IL1RAPL1: variants seen among roughly 807,000 people sequenced by gnomAD.
IL1RAPL1 encodes interleukin 1 receptor accessory protein like 1.
In IL1RAPL1, 3 loss-of-function variants were observed where a neutral mutation model predicts 48.4. That is an observed-to-expected ratio of 0.06 (90% confidence interval 0.03 to 0.16). IL1RAPL1 has a LOEUF of 0.16. Ranked by LOEUF, IL1RAPL1 falls within the 10% of genes least tolerant of loss-of-function variation. IL1RAPL1 has a pLI of 1.00. For missense variants in IL1RAPL1, 349 were observed against 530.6 expected (o/e 0.66, Z 3.36); for synonymous variants, 185 against 187.7 (o/e 0.99, Z 0.12).
chrX:28,634,261 T>C (rs1387634252), intron 1 of IL1RAPL1, among the ~76,000 whole-genome samples: 1 of 109,684 alleles, frequency 9.1e-6, no homozygotes, highest in Non-Finnish European at 1.9e-5. Flanking sequence ...CTAGGCCTCT[T>C]AACATGCCGG....
At chrX:29,558,214 T>C (rs753865611) in intron 5 of IL1RAPL1, among the ~76,000 whole-genome samples, 1 of 112,151 alleles carries the variant, frequency 8.9e-6, no homozygotes, top group South Asian at 3.7e-4. Context: ...TTTTCACATT[T>C]GATAATAGCC....
chrX:29,740,009 G>A (rs746017733), intron 6 of IL1RAPL1, among the ~76,000 whole-genome samples: 14 of 107,161 alleles, frequency 1.3e-4, no homozygotes, highest in Admixed American at 1.0e-4. Flanking sequence ...GCAGCAAGCC[G>A]AGATCGCGCC....
chrX:29,802,990 T>C (rs1930028318), intron 6 of IL1RAPL1, among the ~76,000 whole-genome samples: 1 of 78,423 alleles, frequency 1.3e-5, no homozygotes, highest in South Asian at 5.5e-4. Flanking sequence ...CATGTGTACA[T>C]ATATATGTAT....
At chrX:29,227,612 T>C (rs60138694) in intron 2 of IL1RAPL1, among the ~76,000 whole-genome samples, 1,270 of 112,277 alleles carry the variant, frequency 0.011, 18 homozygotes, top group African/African-American at 0.04. Flanking sequence ...CCATTGATTT[T>C]CATTGTAAAC....
At chrX:29,529,947 A>G (rs1160682501) in intron 5 of IL1RAPL1, among the ~76,000 whole-genome samples, 1 of 111,674 alleles carries the variant, frequency 9.0e-6, no homozygotes, top group Non-Finnish European at 1.9e-5. Context: ...CAAAATAAAA[A>G]TCAAATTAAC....
chrX:29,155,007 CT>C (rs1276795423), intron 2 of IL1RAPL1, among the ~76,000 whole-genome samples: 114 of 101,215 alleles, frequency 1.1e-3, no homozygotes, highest in South Asian at 8.8e-3. Flanking sequence ...TTCTTTCTGT[CT>C]TTTTTTTTTT....
At chrX:29,387,709 A>C (rs1933797229) in intron 3 of IL1RAPL1, among the ~76,000 whole-genome samples, 1 of 112,033 alleles carries the variant, frequency 8.9e-6, no homozygotes, top group African/African-American at 3.2e-5. Flanking sequence ...TGTGTTATTT[A>C]TAGCTGGGCG....
intron 5 of IL1RAPL1, among the ~76,000 whole-genome samples, chrX:29,478,611 G>C (rs991165950): frequency 3.6e-5 from 4 of 110,930 alleles, no homozygotes; most frequent in Non-Finnish European, 7.6e-5. Flanking sequence ...TTATTACCGT[G>C]GTCTTGGAGA....
At chrX:29,101,501 A>G (rs989616453) in intron 2 of IL1RAPL1, among the ~76,000 whole-genome samples, 2 of 111,812 alleles carry the variant, frequency 1.8e-5, no homozygotes, top group African/African-American at 6.5e-5. Flanking sequence ...AACTCACTCT[A>G]CGAGGCCAGT....
chrX:28,904,774 T>C (rs1923174017), intron 2 of IL1RAPL1, among the ~76,000 whole-genome samples: 1 of 112,168 alleles, frequency 8.9e-6, no homozygotes, highest in Non-Finnish European at 1.9e-5. Context: ...TCTATTGCAT[T>C]AGATTCAGAA....
Position 29,396,425 on chromosome X carries a change from C to A in IL1RAPL1, c.530C>A (p.Pro177His). ...IEDFLLPTRE[P>H]EILWYKECRT... ...GATTTTCTACTGCCAACCAGAGAAC[C>A]TGAAATCCTTTGGTACAAGGTATGG... Residue 177 changes from proline to histidine, a missense_variant, in exon 4 of 11, where the codon CCT (proline) becomes CAT (histidine). Transcript: ENST00000378993. 8.3e-7 allele frequency: 1 copy of A among 1,210,666 alleles called. No homozygotes were observed. The highest frequency in any genetic ancestry group is 1.1e-6 in the Non-Finnish European group (1 of 894,298).
chrX:29,627,287 T>C (rs1007450276), intron 5 of IL1RAPL1, among the ~76,000 whole-genome samples: 32 of 112,427 alleles, frequency 2.8e-4, no homozygotes, highest in African/African-American at 9.7e-4. Context: ...AAACAAAGCA[T>C]TTCGGCATTG....
Position 28,931,389 on chromosome X carries a change from T to C in IL1RAPL1, c.82+141964T>C, listed in dbSNP as rs188521333. 7.1e-5 allele frequency among the ~76,000 whole-genome samples: 8 copies of C among 112,393 alleles called. No homozygotes were observed. The East Asian group carries it at 2.0e-3, about 28-fold the overall frequency. ...GTACTTCTCTTTACAGACAAAATCA[T>C]TTATTTTCAGTGTATTATGAACATA... On this transcript the variant is annotated intron_variant, in intron 2 of 10. Transcript: ENST00000378993.
chrX:28,955,548 A>G (rs890789276), intron 2 of IL1RAPL1, among the ~76,000 whole-genome samples: 1 of 109,197 alleles, frequency 9.2e-6, no homozygotes, highest in African/African-American at 3.4e-5. Context: ...TCCTTTCCCC[A>G]TTGCTTGTTT....
At chrX:29,425,496 T>C in intron 5 of IL1RAPL1, among the ~76,000 whole-genome samples, 1 of 111,884 alleles carries the variant, frequency 8.9e-6, no homozygotes, top group Middle Eastern at 4.6e-3. Context: ...CTCTGGTTCA[T>C]ATCTCTGTCA....
At chrX:29,554,441 T>C (rs914732751) in intron 5 of IL1RAPL1, among the ~76,000 whole-genome samples, 51 of 111,684 alleles carry the variant, frequency 4.6e-4, no homozygotes, top group African/African-American at 1.6e-3. Flanking sequence ...CTGAATCTGT[T>C]CTCAGTCAGA....
At chrX:29,507,877 G>A (rs1359754513) in intron 5 of IL1RAPL1, among the ~76,000 whole-genome samples, 2 of 111,417 alleles carry the variant, frequency 1.8e-5, no homozygotes, top group African/African-American at 6.5e-5. Flanking sequence ...GTAATAGCTG[G>A]GATTTTCATT....
chrX:29,932,213 T>C (rs926649180), intron 8 of IL1RAPL1, among the ~76,000 whole-genome samples: 2 of 112,470 alleles, frequency 1.8e-5, no homozygotes, highest in African/African-American at 6.5e-5. Flanking sequence ...TCTCACATTA[T>C]AGTCTTTAGA....
chrX:29,797,248 G>A (rs1042776584), intron 6 of IL1RAPL1, among the ~76,000 whole-genome samples: 1 of 112,401 alleles, frequency 8.9e-6, no homozygotes, highest in Admixed American at 9.5e-5. Flanking sequence ...GGAGCCCAAT[G>A]TGTTTCATAA....
Sources: allele counts gnomAD v4.1 joint callset (sites outside exome capture counted in the v4.1 genomes callset), GRCh38; gene constraint gnomAD v4.1.1; transcripts MANE v1.5; gene names NCBI Gene and HGNC (gene_info 2026-07-23, HGNC 2026-07-21).